The following PRMT8 variants were observed in gnomAD, a reference collection of about 807,000 sequenced individuals.
PRMT8 encodes the protein protein arginine methyltransferase 8.
In PRMT8, 7 loss-of-function variants were observed where a neutral mutation model predicts 47.1. That is an observed-to-expected ratio of 0.15 (90% confidence interval 0.08 to 0.28). The LOEUF is 0.28. Ranked by LOEUF, PRMT8 falls within the 10% of genes least tolerant of loss-of-function variation. PRMT8 has a pLI of 1.00. For missense variants in PRMT8, 237 were observed against 505.4 expected (o/e 0.47, Z 5.09); for synonymous variants, 188 against 186.5 (o/e 1.01, Z -0.07).
chr12:3,516,239 T>C (rs1160844489), intron 1 of PRMT8, among the ~76,000 whole-genome samples: 1 of 152,244 alleles, frequency 6.6e-6, no homozygotes, highest in East Asian at 1.9e-4. Context: ...GTCTCCAGGA[T>C]TGGCTTCAGC....
At chr12:3,457,475 T>C (rs958473909) in intron 1 of PRMT8, among the ~76,000 whole-genome samples, 1 of 152,006 alleles carries the variant, frequency 6.6e-6, no homozygotes, top group Non-Finnish European at 1.5e-5. Context: ...CACATCCAGC[T>C]AATTTTTAAT....
chr12:3,519,590 A>G (rs1865849981), intron 1 of PRMT8, among the ~76,000 whole-genome samples: 1 of 152,192 alleles, frequency 6.6e-6, no homozygotes, highest in Admixed American at 6.5e-5. Context: ...GGTAGAAAGC[A>G]TTGAGGATGT....
In PRMT8 at chr12:3,569,527, G is replaced by A. The variant is rs151263603; in HGVS notation, c.675G>A (p.Ala225=). The A allele has an allele frequency of 9.4e-5, 151 of 1,614,044 alleles. No homozygotes were observed. The highest frequency in any genetic ancestry group is 1.6e-4 in the Middle Eastern group (1 of 6,084). ...FPDRAALYVV[A]IEDRQYKDFK... ...ACCGGGCAGCTTTGTACGTGGTAGC[G>A]ATTGAAGACAGACAGTACAAGGACT... The change falls in exon 6 of 10, where the codon GCG becomes GCA. Residue 225 remains alanine, a synonymous_variant. Coordinates refer to ENST00000382622, the MANE Select transcript of PRMT8 (RefSeq NM_019854.5). The surrounding 1 kb of genome is among the most constrained non-coding windows in gnomAD (Gnocchi z 8.2).
intron 1 of PRMT8, among the ~76,000 whole-genome samples, chr12:3,387,967 T>C (rs1408775818): frequency 1.3e-5 from 2 of 152,144 alleles, no homozygotes; most frequent in African/African-American, 4.8e-5. Flanking sequence ...ATAATTTCAT[T>C]ATCTATTACA....
intron 1 of PRMT8, among the ~76,000 whole-genome samples, chr12:3,510,317 A>G (rs2137128634): frequency 6.6e-6 from 1 of 152,202 alleles, no homozygotes. Context: ...TTTTCTCTTT[A>G]TAATAAGGTC....
At chr12:3,591,407 CTTTTTTTTTTT>C (rs34619063) in intron 8 of PRMT8, among the ~76,000 whole-genome samples, 2 of 115,752 alleles carry the variant, frequency 1.7e-5, no homozygotes, top group Admixed American at 9.5e-5. Flanking sequence ...AGGGAAAGCT[CTTTTTTTTTTT>C]TTTTTTTTTT....
intron 1 of PRMT8, among the ~76,000 whole-genome samples, chr12:3,474,586 C>A (rs1397993077): frequency 6.6e-6 from 1 of 152,084 alleles, no homozygotes; most frequent in Non-Finnish European, 1.5e-5. Context: ...AGACTCCATG[C>A]TCTCCCCTGG....
chr12:3,529,251 C>T (rs187628740), intron 1 of PRMT8, among the ~76,000 whole-genome samples: 74 of 152,292 alleles, frequency 4.9e-4, no homozygotes, highest in African/African-American at 1.7e-3. Flanking sequence ...CTGGATAATC[C>T]TTCTAGGCAG....
chr12:3,568,975 G>T lies in PRMT8; in HGVS notation c.624+127G>T, dbSNP rs924348530. Reference sequence around the variant, plus strand: ...TGAGGCCAGGAGGTCACTGCCCCAAGCCCCTCTCTCTAGAGCAGATCTGTA... The same window carrying T: ...TGAGGCCAGGAGGTCACTGCCCCAATCCCCTCTCTCTAGAGCAGATCTGTA... On this transcript the variant is annotated intron_variant, in intron 5 of 9. Coordinates refer to ENST00000382622, the MANE Select transcript of PRMT8 (RefSeq NM_019854.5). 2.5e-5 allele frequency: 32 copies of T among 1,291,212 alleles called. No homozygotes were observed. In the East Asian group the frequency reaches 3.2e-4, roughly 13 times the overall value. 80.0% of individuals were successfully genotyped at this position (1,291,212 alleles called of 1,614,324 possible). A position where few individuals can be genotyped will look rare whatever the true frequency, so the allele number is the denominator to read the frequency against.
At chr12:3,533,585 G>A (rs574487297) in intron 1 of PRMT8, among the ~76,000 whole-genome samples, 40 of 152,316 alleles carry the variant, frequency 2.6e-4, no homozygotes, top group African/African-American at 9.1e-4. Context: ...CAGACTCTGG[G>A]CTTCCAGCCC....
intron 1 of PRMT8, among the ~76,000 whole-genome samples, chr12:3,410,855 A>G (rs1038029445): frequency 2.2e-4 from 33 of 152,218 alleles, no homozygotes; most frequent in African/African-American, 7.2e-4. Flanking sequence ...TTGGTCTGCC[A>G]TAGCAATCCT....
chr12:3,480,261 T>G (rs1343546190), intron 1 of PRMT8, among the ~76,000 whole-genome samples: 3 of 152,204 alleles, frequency 2.0e-5, no homozygotes, highest in Non-Finnish European at 4.4e-5. Context: ...AAAAACAACC[T>G]GGAAGGTAGG....
At chr12:3,391,554 T>G (rs1008287683) in intron 1 of PRMT8, among the ~76,000 whole-genome samples, 2 of 152,142 alleles carry the variant, frequency 1.3e-5, no homozygotes, top group African/African-American at 2.4e-5. Context: ...AGAGCTAGGT[T>G]GTGTGAAATC....
chr12:3,443,734 A>G (rs1864828496), intron 1 of PRMT8, among the ~76,000 whole-genome samples: 1 of 152,174 alleles, frequency 6.6e-6, no homozygotes, highest in Admixed American at 6.5e-5. Context: ...CAGATTTGCA[A>G]TGAAATTGAG....
At chr12:3,497,465 A>G (rs1865528055) in intron 1 of PRMT8, among the ~76,000 whole-genome samples, 1 of 152,164 alleles carries the variant, frequency 6.6e-6, no homozygotes, top group Admixed American at 6.5e-5. Context: ...AATCTGAGTC[A>G]CCTTCGTTTA....
intron 4 of PRMT8, among the ~76,000 whole-genome samples, chr12:3,554,376 A>G (rs1057285025): frequency 3.3e-4 from 51 of 152,312 alleles, no homozygotes; most frequent in African/African-American, 1.2e-3. Context: ...TGACAGCAGG[A>G]TTAGATGCAG....
At chr12:3,567,666 T>C (rs1866745919) in intron 4 of PRMT8, among the ~76,000 whole-genome samples, 1 of 152,218 alleles carries the variant, frequency 6.6e-6, no homozygotes, top group Middle Eastern at 3.2e-3. Flanking sequence ...CCACAGGGGT[T>C]AGGGGTGCCA....
At chr12:3,388,369 A>G (rs1261616500) in intron 1 of PRMT8, among the ~76,000 whole-genome samples, 1 of 152,174 alleles carries the variant, frequency 6.6e-6, no homozygotes, top group Non-Finnish European at 1.5e-5. Context: ...GGGGCATAAA[A>G]TGTCAATGTG....
Position 3,580,381 on chromosome 12 carries a change from C to A in PRMT8, c.829-2677C>A, listed in dbSNP as rs1030047823. ...GTGTGTGTGTGTACGCGTGCGCATG[C>A]GGGATAGAAGGAGAAAGTAACCACG... is the stretch of plus-strand genomic sequence containing the variant. On this transcript the variant is annotated intron_variant, in intron 7 of 9. Coordinates refer to ENST00000382622, the MANE Select transcript of PRMT8 (RefSeq NM_019854.5). This position sits in a 1 kb window ranked among gnomAD's most constrained non-coding sequence, Gnocchi z 4.6. Among the ~76,000 whole-genome samples the A allele has an allele frequency of 3.3e-5, 5 of 150,474 alleles. No homozygotes were observed. Among genetic ancestry groups the A allele is most frequent in the Non-Finnish European group, 7.4e-5 (5 of 67,624 alleles).
Sources: allele counts gnomAD v4.1 joint callset (sites outside exome capture counted in the v4.1 genomes callset), GRCh38; gene constraint gnomAD v4.1.1; non-coding constraint Gnocchi (gnomAD v3.1); transcripts MANE v1.5; gene names NCBI Gene and HGNC (gene_info 2026-07-23, HGNC 2026-07-21).